TMED3: variants seen among roughly 807,000 people sequenced by gnomAD.
TMED3 encodes transmembrane emp24 domain-containing protein 3.
Under a neutral mutation model 15.0 loss-of-function variants are expected in TMED3, and 9 were observed. That is an observed-to-expected ratio of 0.60 (90% CI 0.36 to 1.04). The LOEUF is 1.04. Ranked by LOEUF, TMED3 falls within the 50% of genes least tolerant of loss-of-function variation. The probability of loss-of-function intolerance (pLI) is 0.01; values close to 1 mark genes in which losing one functional copy is unlikely to be tolerated. For missense variants in TMED3, 267 were observed against 278.9 expected (o/e 0.96, Z 0.30); for synonymous variants, 117 against 121.4 (o/e 0.96, Z 0.24).
At chr15:79,334,729 G>A (rs997817541) in intron 2 of TMED3, among the ~76,000 whole-genome samples, 12 of 152,124 alleles carry the variant, frequency 7.9e-5, no homozygotes, top group Admixed American at 2.0e-4. Flanking sequence ...AATGTATTTC[G>A]GAAGAATTAC....
intron 2 of TMED3, among the ~76,000 whole-genome samples, chr15:79,332,541 A>G (rs1291945742): frequency 6.6e-6 from 1 of 152,254 alleles, no homozygotes; most frequent in Non-Finnish European, 1.5e-5. Context: ...GCAACCCTCC[A>G]GCAATAGTCC....
At chr15:79,401,769 G>T (rs569092432) in intron 2 of TMED3, among the ~76,000 whole-genome samples, 4 of 152,202 alleles carry the variant, frequency 2.6e-5, no homozygotes, top group Admixed American at 2.6e-4. Flanking sequence ...GGAAGAATCA[G>T]AAAAGAAGAT....
intron 1 of TMED3, 145 bp from the exon 2 acceptor site, chr15:79,313,612 A>G: frequency 9.1e-7 from 1 of 1,099,136 alleles, no homozygotes; most frequent in South Asian, 1.7e-5. Flanking sequence ...GCCTTAGTAA[A>G]ATGAGAAGTG....
chr15:79,379,038 T>G (rs1264210911), intron 2 of TMED3, among the ~76,000 whole-genome samples: 1 of 152,234 alleles, frequency 6.6e-6, no homozygotes. Flanking sequence ...TATTTTCAAA[T>G]GATGTTTCCC....
chr15:79,370,256 A>ATTT (rs398028085), intron 2 of TMED3, among the ~76,000 whole-genome samples: 72 of 104,932 alleles, frequency 6.9e-4, no homozygotes, highest in Admixed American at 1.2e-3. Context: ...TGCCCAGCTA[A>ATTT]TTTTTTTTTT....
At chr15:79,328,425 C>T (rs2058795301) in intron 2 of TMED3, among the ~76,000 whole-genome samples, 1 of 152,280 alleles carries the variant, frequency 6.6e-6, no homozygotes, top group South Asian at 2.1e-4. Flanking sequence ...ATCTATTCCC[C>T]TGACTTCTAT....
At chr15:79,380,712 T>C (rs966093250) in intron 2 of TMED3, among the ~76,000 whole-genome samples, 12 of 151,780 alleles carry the variant, frequency 7.9e-5, no homozygotes, top group African/African-American at 2.9e-4. Flanking sequence ...GGTGAAACCC[T>C]TCACTGCGGT....
rs550572327 is a variant in TMED3, at chr15:79,400,110, G to A, written c.418-11290G>A. Among the ~76,000 whole-genome samples, 21 of 152,242 alleles carry A rather than the reference G, an allele frequency of 1.4e-4. No homozygotes were observed. In the South Asian group the frequency reaches 2.3e-3, roughly 17 times the overall value. ...CTGAGGTCTAGCTAAAAGACCCGTCGAACTTGTCATGCTCCTCCCAACCTC... is the reference window on the plus strand; with the variant it reads ...CTGAGGTCTAGCTAAAAGACCCGTCAAACTTGTCATGCTCCTCCCAACCTC... On this transcript the variant is annotated intron_variant, in intron 2 of 2. Transcript: ENST00000424155.
In TMED3 at chr15:79,352,209, A is replaced by G. The variant is rs114135338; in HGVS notation, c.417+38204A>G. ...ACCAAACACCACCTGTTCCCCAAAA[A>G]GCTATTGAAAAGAAACACCCACCTC... is the stretch of plus-strand genomic sequence containing the variant. On this transcript the variant is annotated intron_variant, in intron 2 of 2. Transcript: ENST00000424155. Among the ~76,000 whole-genome samples, 855 of 152,250 alleles carry G rather than the reference A, an allele frequency of 5.6e-3. 9 individuals are homozygous for G. Among genetic ancestry groups the G allele is most frequent in the African/African-American group, 0.019 (801 of 41,538 alleles).
intron 2 of TMED3, among the ~76,000 whole-genome samples, chr15:79,337,024 C>G (rs2058829702): frequency 2.0e-5 from 3 of 152,290 alleles, no homozygotes; most frequent in East Asian, 3.9e-4. Flanking sequence ...TACTACCAAG[C>G]CTGTATGTGA....
intron 2 of TMED3, 152 bp downstream of exon 2, chr15:79,314,157 C>A: frequency 1.0e-6 from 1 of 986,688 alleles, no homozygotes; most frequent in Non-Finnish European, 1.5e-6. Context: ...CATACCTAGT[C>A]CTAAAGGATG....
intron 2 of TMED3, among the ~76,000 whole-genome samples, chr15:79,364,334 C>G (rs1452151634): frequency 6.6e-6 from 1 of 152,108 alleles, no homozygotes; most frequent in Non-Finnish European, 1.5e-5. Context: ...CATAAAATAT[C>G]TGGTGTAAGC....
chr15:79,383,017 G>C, intron 2 of TMED3: 1 of 1,535,466 alleles, frequency 6.5e-7, no homozygotes, highest in Non-Finnish European at 8.7e-7. Flanking sequence ...GTTCCAGTGT[G>C]ATCACCATCT....
intron 2 of TMED3, among the ~76,000 whole-genome samples, chr15:79,338,597 T>C (rs2058836485): frequency 6.6e-6 from 1 of 152,232 alleles, no homozygotes; most frequent in South Asian, 2.1e-4. Flanking sequence ...TTAGATATGA[T>C]TATATATGAA....
intron 2 of TMED3, among the ~76,000 whole-genome samples, chr15:79,403,748 A>G (rs73479683): frequency 0.033 from 5,072 of 152,294 alleles, 272 homozygotes; most frequent in African/African-American, 0.11. Context: ...CTTGTTGGGA[A>G]TCACAACCTA....
chr15:79,371,691 C>T (rs1197337536), intron 2 of TMED3, among the ~76,000 whole-genome samples: 1 of 152,128 alleles, frequency 6.6e-6, no homozygotes, highest in Non-Finnish European at 1.5e-5. Context: ...GGTCTTAGGA[C>T]TAGAGGCATC....
At chr15:79,341,427 A>G (rs956133726) in intron 2 of TMED3, among the ~76,000 whole-genome samples, 4 of 152,094 alleles carry the variant, frequency 2.6e-5, no homozygotes, top group African/African-American at 9.7e-5. Context: ...TTACCATAAT[A>G]TAAAGATTGC....
At chr15:79,387,776 G>A (rs1174402769) in intron 2 of TMED3, among the ~76,000 whole-genome samples, 2 of 151,982 alleles carry the variant, frequency 1.3e-5, no homozygotes, top group South Asian at 2.1e-4. Flanking sequence ...TCTCAATAAA[G>A]TTTTATATTT....
At chr15:79,376,285 C>G (rs939725074) in intron 2 of TMED3, among the ~76,000 whole-genome samples, 1 of 151,772 alleles carries the variant, frequency 6.6e-6, no homozygotes, top group Non-Finnish European at 1.5e-5. Context: ...AGATCAGAAC[C>G]CTGTTTGATA....
Sources: gnomAD v4.1 joint callset for allele counts (sites outside exome capture counted in the v4.1 genomes callset) on GRCh38, gnomAD v4.1.1 for gene constraint, MANE v1.5 for transcripts, NCBI Gene and HGNC (gene_info 2026-07-23, HGNC 2026-07-21) for gene names.